Variants in CRACR2B observed in about 807,000 individuals in gnomAD.
CRACR2B encodes EF-hand calcium-binding domain-containing protein 4A.
CRACR2B carries 50 observed loss-of-function variants against 46.0 expected under a neutral mutation model. That is an observed-to-expected ratio of 1.09 (90% CI 0.87 to 1.38). CRACR2B has a LOEUF of 1.38. Ranked by LOEUF, CRACR2B falls within the 40% of genes most tolerant of loss-of-function variation. The pLI is 0.00. For synonymous variants in CRACR2B, 277 were observed against 239.6 expected, an observed-to-expected ratio of 1.16 and a Z score of -1.44; for missense variants, 667 against 535.0, an observed-to-expected ratio of 1.25 and a Z score of -2.43.
chr11:831,437 G>T, intron 8 of CRACR2B, 98 bp from the exon 9 acceptor site: 11 of 1,485,532 alleles, frequency 7.4e-6, no homozygotes, highest in Non-Finnish European at 9.9e-6. Flanking sequence ...TGCAGCCTCA[G>T]CCAGACACCT....
rs35513523 is a variant in CRACR2B, at chr11:830,817, C to T, written c.787-49C>T. The T allele has an allele frequency of 2.1e-3, 3,202 of 1,491,042 alleles. 41 individuals are homozygous for T. The African/African-American group carries it at 0.03, about 14-fold the overall frequency. 92.4% of individuals were successfully genotyped at this position (1,491,042 alleles called of 1,614,324 possible). A position where few individuals can be genotyped will look rare whatever the true frequency, so the allele number is the denominator to read the frequency against. ...GGAGCCTGGGGCACGCGCAGCACCC[C>T]GGGGAAGAGGGGGCGTTCCTCGCCG... is the stretch of plus-strand genomic sequence containing the variant. On this transcript the variant is annotated intron_variant, in intron 6 of 8. Transcript: ENST00000525077.
At position 828,556 on chromosome 11, in the gene CRACR2B, C is replaced by T. The variant is rs927021582; in HGVS notation, c.-52C>T. 94 of 1,530,156 alleles carry T rather than the reference C, an allele frequency of 6.1e-5. No individual in the cohort carries two copies. Among genetic ancestry groups the T allele is most frequent in the Non-Finnish European group, 7.8e-5 (89 of 1,147,354 alleles). 94.8% of individuals were successfully genotyped at this position (1,530,156 alleles called of 1,614,324 possible). A position where few individuals can be genotyped will look rare whatever the true frequency, so the allele number is the denominator to read the frequency against. On this transcript the variant is annotated 5_prime_UTR_variant, in exon 1 of 9. Coordinates refer to ENST00000525077, the MANE Select transcript of CRACR2B (RefSeq NM_001286606.2). ...CGCTCCCCTCCTGAATTTCTTCTGA[C>T]CCTCCCTTGGCTTCACAGCACCTGA...
At chr11:831,449 T>G in intron 8 of CRACR2B, 86 bp from the exon 9 acceptor site, 1 of 1,491,708 alleles carries the variant, frequency 6.7e-7, no homozygotes, top group East Asian at 2.4e-5. Context: ...CAGACACCTC[T>G]CTTCGCTCTG....
rs1846080452 is a variant in CRACR2B, at chr11:828,524, C to T, written c.-84C>T. On this transcript the variant is annotated 5_prime_UTR_variant, in exon 1 of 9. Coordinates refer to ENST00000525077, the MANE Select transcript of CRACR2B (RefSeq NM_001286606.2). ...GGCTGAGCCTTCAGACACACTTGCA[C>T]CCCATCCGCTCCCCTCCTGAATTTC... is the stretch of plus-strand genomic sequence containing the variant. 1.4e-6 allele frequency: 2 copies of T among 1,444,530 alleles called. No individual in the cohort carries two copies. Among genetic ancestry groups the T allele is most frequent in the Non-Finnish European group, 1.8e-6 (2 of 1,099,626 alleles). 89.5% of individuals were successfully genotyped at this position (1,444,530 alleles called of 1,614,324 possible).
At position 828,565 on chromosome 11, in the gene CRACR2B, G is replaced by A. The variant is rs1244582813; in HGVS notation, c.-43G>A. 11 of 1,550,544 alleles carry A rather than the reference G, an allele frequency of 7.1e-6. No individual in the cohort carries two copies. Among genetic ancestry groups the A allele is most frequent in the Non-Finnish European group, 9.5e-6 (11 of 1,157,284 alleles). ...CCTGAATTTCTTCTGACCCTCCCTT[G>A]GCTTCACAGCACCTGAAGGCCAGGC... On this transcript the variant is annotated 5_prime_UTR_variant, in exon 1 of 9. Transcript: ENST00000525077.
intron 8 of CRACR2B, 81 bp from the exon 9 acceptor site, chr11:831,454 G>A (rs1028243638): frequency 3.0e-5 from 45 of 1,494,024 alleles, no homozygotes; most frequent in Non-Finnish European, 3.9e-5. Context: ...ACCTCTCTTC[G>A]CTCTGAGGGG....
chr11:827,452 C>T (rs1406022597), upstream of CRACR2B: 30 of 721,356 alleles, frequency 4.2e-5, no homozygotes, highest in South Asian at 6.2e-5. Flanking sequence ...GGGCGCAAGG[C>T]GGCAGGGGTA....
chr11:829,106 C>T, intron 2 of CRACR2B, 143 bp downstream of exon 2: 1 of 1,289,348 alleles, frequency 7.8e-7, no homozygotes, highest in Non-Finnish European at 1.1e-6. Flanking sequence ...CGCACTCGCG[C>T]CTGGGGGCTC....
chr11:827,892 G>A (rs1418941046), upstream of CRACR2B, among the ~76,000 whole-genome samples: 2 of 152,224 alleles, frequency 1.3e-5, no homozygotes, highest in African/African-American at 4.8e-5. Context: ...GGAGGCCCCA[G>A]GGAGTTCTGA....
chr11:830,658 T>G lies in CRACR2B; in HGVS notation c.731T>G (p.Leu244Arg). The stretch of plus-strand genomic sequence containing the variant: ...GGGGAGCGGAGAAGCCGTCTGGAGC[T>G]GGAGCTGCAGAGCCGCGAGCAGGAC... ...ARGERRSRLE[L>R]ELQSREQDLE... The change falls in exon 6 of 9, where the codon CTG (leucine) becomes CGG (arginine). Residue 244 changes from leucine to arginine, a missense_variant. Transcript: ENST00000525077. The G allele has an allele frequency of 6.5e-7, 1 of 1,548,138 alleles. No homozygotes were observed. Among genetic ancestry groups the G allele is most frequent in the Non-Finnish European group, 8.7e-7 (1 of 1,146,438 alleles).
rs533781769 is a variant in CRACR2B, at chr11:828,537, C to T, written c.-71C>T. The T allele has an allele frequency of 6.3e-5, 93 of 1,484,200 alleles. 1 individual carries two copies. In the South Asian group the frequency reaches 1.0e-3, roughly 17 times the overall value. 91.9% of individuals were successfully genotyped at this position (1,484,200 alleles called of 1,614,324 possible). On this transcript the variant is annotated 5_prime_UTR_variant, in exon 1 of 9. Transcript: ENST00000525077. Reference sequence around the variant, plus strand: ...GACACACTTGCACCCCATCCGCTCCCCTCCTGAATTTCTTCTGACCCTCCC... The same window carrying T: ...GACACACTTGCACCCCATCCGCTCCTCTCCTGAATTTCTTCTGACCCTCCC...
rs1377021778 is a variant in CRACR2B at position 831,715 on chromosome 11, C to T, written c.*6C>T. ...ACCTTCCCAGTGCCCGGTGACCAGCCCCGAGTGACTCACGGACCATGAGCT... is the reference window on the plus strand; with the variant it reads ...ACCTTCCCAGTGCCCGGTGACCAGCTCCGAGTGACTCACGGACCATGAGCT... On this transcript the variant is annotated 3_prime_UTR_variant, in exon 9 of 9. Transcript: ENST00000525077. The T allele has an allele frequency of 9.3e-6, 14 of 1,503,122 alleles. No individual in the cohort carries two copies. The highest frequency in any genetic ancestry group is 5.1e-5 in the East Asian group (2 of 38,982). 93.1% of individuals were successfully genotyped at this position (1,503,122 alleles called of 1,614,324 possible).
At position 830,648 on chromosome 11, in the gene CRACR2B, C is replaced by G. The variant is rs1180816867; in HGVS notation, c.721C>G (p.Arg241Gly). ...QNFARGERRS[R>G]LELELQSREQ... ...CTTCGCCCGCGGGGAGCGGAGAAGCCGTCTGGAGCTGGAGCTGCAGAGCCG... is the reference window on the plus strand; with the variant it reads ...CTTCGCCCGCGGGGAGCGGAGAAGCGGTCTGGAGCTGGAGCTGCAGAGCCG... The change falls in exon 6 of 9, where the codon CGT (arginine) becomes GGT (glycine). Residue 241 changes from arginine (R) to glycine (G), a missense_variant. Arg to Gly is a moderately radical substitution (Grantham distance 125). Coordinates refer to ENST00000525077, the MANE Select transcript of CRACR2B (RefSeq NM_001286606.2). 1.9e-6 allele frequency: 3 copies of G among 1,548,570 alleles called. No individual in the cohort carries two copies. Among genetic ancestry groups the G allele is most frequent in the South Asian group, 1.2e-5 (1 of 84,010 alleles).
chr11:830,098 C>A lies in CRACR2B; in HGVS notation c.571C>A (p.Arg191=). The A allele has an allele frequency of 6.5e-7, 1 of 1,541,270 alleles. No homozygotes were observed. ...GTCGGCCTGCCTGGAGGAGGCGGCCCGGGAGCGCGACGGCCTGGAGCAGGC... is the reference window on the plus strand; with the variant it reads ...GTCGGCCTGCCTGGAGGAGGCGGCCAGGGAGCGCGACGGCCTGGAGCAGGC... ...RASACLEEAA[R]ERDGLEQALR... is the part of the protein sequence containing the mutation. Residue 191 remains arginine (R), a synonymous_variant, in exon 4 of 9, where the codon CGG becomes AGG. Transcript: ENST00000525077.
At chr11:829,059 T>TCC (rs778946674) in intron 2 of CRACR2B, 96 bp downstream of exon 2, 3 of 1,482,558 alleles carry the variant, frequency 2.0e-6, no homozygotes, top group Non-Finnish European at 2.8e-6. Flanking sequence ...CCGGTGCCTC[T>TCC]CGTCCTCCTC....
chr11:829,123 G>A (rs1017468157), intron 2 of CRACR2B, 160 bp downstream of exon 2: 1 of 1,259,774 alleles, frequency 7.9e-7, no homozygotes, highest in East Asian at 2.5e-5. Flanking sequence ...GCTCCTAGCT[G>A]CGGTGGAGTG....
chr11:831,360 A>T (rs2045053852), intron 8 of CRACR2B, 65 bp downstream of exon 8: 7 of 1,545,320 alleles, frequency 4.5e-6, no homozygotes, highest in Non-Finnish European at 6.1e-6. Flanking sequence ...CCAGCTCCCC[A>T]ACATTCTTGG....
At chr11:826,459 C>T (rs1399117911), upstream of CRACR2B, among the ~76,000 whole-genome samples, 2 of 152,248 alleles carry the variant, frequency 1.3e-5, no homozygotes, top group East Asian at 3.8e-4. Context: ...TGGGACCTGC[C>T]TGAGTCCCCA....
chr11:829,884 C>T, intron 3 of CRACR2B, 102 bp from the exon 4 acceptor site: 1 of 1,457,744 alleles, frequency 6.9e-7, no homozygotes, highest in African/African-American at 1.4e-5. Context: ...TGCTCCTGTC[C>T]TGCCCAGGGG....
Sources: allele counts gnomAD v4.1 joint callset (sites outside exome capture counted in the v4.1 genomes callset), GRCh38; gene constraint gnomAD v4.1.1; transcripts MANE v1.5; gene names NCBI Gene and HGNC (gene_info 2026-07-23, HGNC 2026-07-21).